SORCS3: variants seen among roughly 807,000 people sequenced by gnomAD.
SORCS3 encodes VPS10 domain-containing receptor SorCS3.
SORCS3 carries 57 observed loss-of-function variants against 146.3 expected under a neutral mutation model. The observed-to-expected ratio is 0.39, with a 90% CI of 0.31 to 0.49. SORCS3 has a LOEUF of 0.49. Among genes scored for constraint, SORCS3 ranks in the 20% least tolerant of loss-of-function variants. The pLI, the probability that SORCS3 is intolerant of heterozygous loss-of-function variation, is 0.92. For missense variants in SORCS3, 1,341 were observed against 1,575.5 expected (o/e 0.85, Z 2.52); for synonymous variants, 653 against 618.5 (o/e 1.06, Z -0.83).
intron 4 of SORCS3, among the ~76,000 whole-genome samples, chr10:105,034,649 T>C (rs916516757): frequency 7.9e-5 from 12 of 152,160 alleles, no homozygotes; most frequent in African/African-American, 2.7e-4. Context: ...GGATACTGAC[T>C]TGGGAAACAG....
chr10:105,127,207 TTC>T (rs2055982059), intron 7 of SORCS3, among the ~76,000 whole-genome samples: 2 of 152,102 alleles, frequency 1.3e-5, no homozygotes, highest in African/African-American at 2.4e-5. Flanking sequence ...GCTTCCCTGT[TTC>T]CTGCAGGAAA....
chr10:104,947,504 G>A (rs1321365120), intron 3 of SORCS3, among the ~76,000 whole-genome samples: 1 of 152,156 alleles, frequency 6.6e-6, no homozygotes, highest in Admixed American at 6.5e-5. Flanking sequence ...TCCTTTCACG[G>A]GCTGCGAGGC....
At chr10:105,204,551 AT>A (rs991342335) in intron 16 of SORCS3, among the ~76,000 whole-genome samples, 2 of 152,058 alleles carry the variant, frequency 1.3e-5, no homozygotes, top group East Asian at 1.9e-4. Context: ...ATTTTATAGA[AT>A]TTTTTTTGAT....
At chr10:105,244,236 C>T (rs961727695) in intron 20 of SORCS3, among the ~76,000 whole-genome samples, 3 of 151,814 alleles carry the variant, frequency 2.0e-5, no homozygotes, top group African/African-American at 7.3e-5. Flanking sequence ...CAATAAGCAT[C>T]TGCTTTTTAA....
At chr10:105,169,485 C>T (rs2056342461) in intron 13 of SORCS3, among the ~76,000 whole-genome samples, 1 of 151,914 alleles carries the variant, frequency 6.6e-6, no homozygotes, top group African/African-American at 2.4e-5. Flanking sequence ...GAGGGCTGAC[C>T]TTTGAGAGAG....
intron 14 of SORCS3, 35 bp downstream of exon 14, chr10:105,178,208 C>T (rs750618973): frequency 5.9e-6 from 9 of 1,514,496 alleles, no homozygotes; most frequent in Admixed American, 5.3e-5. Flanking sequence ...GGAAGAAGAC[C>T]AGAGACACTG....
chr10:104,940,255 T>TA (rs2019305664), intron 3 of SORCS3, among the ~76,000 whole-genome samples: 1 of 121,952 alleles, frequency 8.2e-6, no homozygotes, highest in Non-Finnish European at 1.8e-5. Flanking sequence ...TTTTTTTTTT[T>TA]ATTATACTTT....
intron 2 of SORCS3, among the ~76,000 whole-genome samples, chr10:104,848,277 C>T (rs920952508): frequency 2.0e-5 from 3 of 152,000 alleles, no homozygotes; most frequent in Non-Finnish European, 4.4e-5. Flanking sequence ...GTCTGGACCA[C>T]TTATTTCCTC....
intron 1 of SORCS3, among the ~76,000 whole-genome samples, chr10:104,755,058 G>A (rs964031903): frequency 3.3e-5 from 5 of 152,144 alleles, no homozygotes; most frequent in Admixed American, 1.3e-4. Flanking sequence ...ATGCATTACC[G>A]GTGAATTCCT....
At chr10:105,220,879 A>G (rs2056697355) in intron 19 of SORCS3, among the ~76,000 whole-genome samples, 2 of 152,116 alleles carry the variant, frequency 1.3e-5, no homozygotes, top group South Asian at 2.1e-4. Flanking sequence ...GAACAAACAA[A>G]TCATACAAAA....
chr10:104,838,015 A>T (rs2018090415), intron 1 of SORCS3, among the ~76,000 whole-genome samples: 1 of 152,174 alleles, frequency 6.6e-6, no homozygotes, highest in Non-Finnish European at 1.5e-5. Context: ...CTTTATCTGT[A>T]AAATGGGCGA....
intron 6 of SORCS3, among the ~76,000 whole-genome samples, chr10:105,099,541 T>C (rs2055769061): frequency 1.3e-5 from 2 of 152,186 alleles, no homozygotes; most frequent in South Asian, 2.1e-4. Context: ...TTAACCAGCA[T>C]TCACTGAAGC....
intron 1 of SORCS3, among the ~76,000 whole-genome samples, chr10:104,700,213 T>C (rs919562910): frequency 6.6e-6 from 1 of 152,194 alleles, no homozygotes; most frequent in African/African-American, 2.4e-5. Flanking sequence ...CAGGAAGCTT[T>C]GAGTGACAAG....
chr10:104,650,804 G>A (rs529449289), intron 1 of SORCS3, among the ~76,000 whole-genome samples: 139 of 152,242 alleles, frequency 9.1e-4, no homozygotes, highest in Non-Finnish European at 1.5e-3. Context: ...GGGACATTGC[G>A]GCTGTCTCTC....
intron 20 of SORCS3, among the ~76,000 whole-genome samples, chr10:105,242,738 A>G (rs1179816725): frequency 9.6e-6 from 1 of 104,672 alleles, no homozygotes; most frequent in Non-Finnish European, 1.7e-5. Flanking sequence ...ATATATATTT[A>G]TATATTTATA....
chr10:104,931,126 G>A (rs745833492), intron 3 of SORCS3, among the ~76,000 whole-genome samples: 10 of 152,156 alleles, frequency 6.6e-5, no homozygotes, highest in Non-Finnish European at 1.3e-4. Flanking sequence ...CTGAAAGTTT[G>A]TCTGCTTTAA....
At chr10:105,156,095 A>G (rs932547744) in intron 9 of SORCS3, among the ~76,000 whole-genome samples, 1 of 152,220 alleles carries the variant, frequency 6.6e-6, no homozygotes, top group Non-Finnish European at 1.5e-5. Flanking sequence ...TAACCATGAT[A>G]CTGGAAGAAT....
intron 3 of SORCS3, among the ~76,000 whole-genome samples, chr10:104,934,511 T>A (rs2019240673): frequency 6.6e-6 from 1 of 152,348 alleles, no homozygotes; most frequent in Non-Finnish European, 1.5e-5. Flanking sequence ...GTGTCAATAA[T>A]TTTAAAAGTT....
chr10:104,962,169 T>A (rs1276014086), intron 3 of SORCS3, among the ~76,000 whole-genome samples: 1 of 152,006 alleles, frequency 6.6e-6, no homozygotes, highest in Non-Finnish European at 1.5e-5. Flanking sequence ...TGAGTTAAAA[T>A]GGGACTTGAA....
Sources: gnomAD v4.1 joint callset for allele counts (sites outside exome capture counted in the v4.1 genomes callset) on GRCh38, gnomAD v4.1.1 for gene constraint, MANE v1.5 for transcripts, NCBI Gene and HGNC (gene_info 2026-07-23, HGNC 2026-07-21) for gene names.